IQCJ: variants seen among roughly 807,000 people sequenced by gnomAD.
IQCJ encodes IQ domain-containing protein J.
Under a neutral mutation model 11.0 loss-of-function variants are expected in IQCJ, and 9 were observed. The observed-to-expected ratio is 0.82, with a 90% confidence interval of 0.49 to 1.43. The LOEUF (loss-of-function observed/expected upper bound fraction) is 1.43, where lower values mean the gene tolerates loss of function less well. Among genes scored for constraint, IQCJ ranks in the 40% most tolerant of loss-of-function variants. The probability of loss-of-function intolerance (pLI) is 0.00; values close to 1 mark genes in which losing one functional copy is unlikely to be tolerated. For synonymous variants in IQCJ, 55 were observed against 51.3 expected, an observed-to-expected ratio of 1.07 and a Z score of -0.31; for missense variants, 146 against 133.2, an observed-to-expected ratio of 1.10 and a Z score of -0.47.
chr3:159,188,332 C>T (rs57279778), intron 1 of IQCJ, among the ~76,000 whole-genome samples: 15,142 of 152,106 alleles, frequency 0.1, 2,538 homozygotes, highest in African/African-American at 0.35. Context: ...ATTGCTTGAA[C>T]CTGGGAGGTG....
chr3:159,079,890 G>A (rs1373931288), intron 1 of IQCJ, among the ~76,000 whole-genome samples: 1 of 151,856 alleles, frequency 6.6e-6, no homozygotes, highest in African/African-American at 2.4e-5. Flanking sequence ...TCCTAAAAGT[G>A]GAATTTTTAG....
At chr3:159,093,358 A>G (rs193284081) in intron 1 of IQCJ, among the ~76,000 whole-genome samples, 146 of 152,048 alleles carry the variant, frequency 9.6e-4, no homozygotes, top group Non-Finnish European at 1.6e-3. Flanking sequence ...GAGCTTTTAT[A>G]TCACCACTTC....
intron 1 of IQCJ, among the ~76,000 whole-genome samples, chr3:159,130,642 G>T (rs760046007): frequency 6.6e-6 from 1 of 152,102 alleles, no homozygotes; most frequent in Non-Finnish European, 1.5e-5. Context: ...AAACATTGTA[G>T]CTTCTCAGGT....
At chr3:159,136,200 T>C (rs1720280759) in intron 1 of IQCJ, among the ~76,000 whole-genome samples, 2 of 152,144 alleles carry the variant, frequency 1.3e-5, no homozygotes, top group South Asian at 2.1e-4. Flanking sequence ...CGTAAGAAAA[T>C]TGGATATTTT....
chr3:159,152,091 TG>T (rs1721262073), intron 1 of IQCJ, among the ~76,000 whole-genome samples: 1 of 152,124 alleles, frequency 6.6e-6, no homozygotes, highest in Non-Finnish European at 1.5e-5. Flanking sequence ...CTCTACTGGA[TG>T]GGGCAGTGGT....
At chr3:159,173,354 A>G (rs890440244) in intron 1 of IQCJ, among the ~76,000 whole-genome samples, 7 of 152,184 alleles carry the variant, frequency 4.6e-5, no homozygotes, top group South Asian at 2.1e-4. Flanking sequence ...TGGTTTTTAT[A>G]TATCTTCAAA....
At chr3:159,194,879 G>A (rs571503597) in intron 1 of IQCJ, among the ~76,000 whole-genome samples, 12 of 152,236 alleles carry the variant, frequency 7.9e-5, no homozygotes, top group Admixed American at 3.9e-4. Flanking sequence ...TTGGGAGGCC[G>A]AAGTGGGCAG....
chr3:159,149,487 T>C (rs1028646081), intron 1 of IQCJ, among the ~76,000 whole-genome samples: 3 of 152,276 alleles, frequency 2.0e-5, no homozygotes, highest in East Asian at 1.9e-4. Context: ...TGCTCTTTGG[T>C]AGTTCTGAGT....
At chr3:159,254,349 G>T (rs1160599716) in intron 3 of IQCJ, among the ~76,000 whole-genome samples, 1 of 152,152 alleles carries the variant, frequency 6.6e-6, no homozygotes, top group African/African-American at 2.4e-5. Context: ...AAATCTCTGT[G>T]CTTCAGATTC....
intron 2 of IQCJ, among the ~76,000 whole-genome samples, chr3:159,248,510 T>C (rs1287874983): frequency 6.6e-6 from 1 of 152,232 alleles, no homozygotes; most frequent in Non-Finnish European, 1.5e-5. Flanking sequence ...TTTTCTTTTA[T>C]AGAGATTACT....
At chr3:159,094,066 G>A (rs1717539866) in intron 1 of IQCJ, among the ~76,000 whole-genome samples, 1 of 151,788 alleles carries the variant, frequency 6.6e-6, no homozygotes, top group Non-Finnish European at 1.5e-5. Flanking sequence ...GGGCCTCCTG[G>A]CTCTTTGACT....
chr3:159,178,827 A>G (rs889048421), intron 1 of IQCJ, among the ~76,000 whole-genome samples: 2 of 152,124 alleles, frequency 1.3e-5, no homozygotes, highest in Non-Finnish European at 2.9e-5. Context: ...AAGTTGTCCA[A>G]GTTGCTCAAC....
chr3:159,167,834 A>T (rs1722257490), intron 1 of IQCJ, among the ~76,000 whole-genome samples: 1 of 152,218 alleles, frequency 6.6e-6, no homozygotes, highest in East Asian at 1.9e-4. Flanking sequence ...TGAAGGTAAG[A>T]CTATCAAATG....
At chr3:159,087,442 T>A (rs1436939010) in intron 1 of IQCJ, among the ~76,000 whole-genome samples, 7 of 148,738 alleles carry the variant, frequency 4.7e-5, no homozygotes, top group African/African-American at 1.7e-4. Context: ...TAAAATGAGT[T>A]AGGGAGGATT....
intron 1 of IQCJ, among the ~76,000 whole-genome samples, chr3:159,112,752 T>C (rs751724612): frequency 6.6e-6 from 1 of 152,200 alleles, no homozygotes; most frequent in Non-Finnish European, 1.5e-5. Flanking sequence ...GGGCAGTCCT[T>C]ATGTTTAATG....
intron 1 of IQCJ, among the ~76,000 whole-genome samples, chr3:159,091,170 A>G (rs1423325776): frequency 6.6e-6 from 1 of 151,854 alleles, no homozygotes; most frequent in Non-Finnish European, 1.5e-5. Flanking sequence ...ATTAGAAAGA[A>G]TGCTCCTGGA....
chr3:159,142,405 A>G (rs1720655204), intron 1 of IQCJ, among the ~76,000 whole-genome samples: 1 of 127,346 alleles, frequency 7.9e-6, no homozygotes, highest in Non-Finnish European at 1.7e-5. Flanking sequence ...TGGTAAGTGC[A>G]CTGAGGGGCA....
chr3:159,262,936 A>G lies in IQCJ; in HGVS notation c.*205A>G. 1.5e-6 allele frequency: 2 copies of G among 1,315,472 alleles called. No homozygotes were observed. Among genetic ancestry groups the G allele is most frequent in the Non-Finnish European group, 1.9e-6 (2 of 1,032,656 alleles). 81.5% of individuals were successfully genotyped at this position (1,315,472 alleles called of 1,614,324 possible). Reference sequence around the variant, plus strand: ...TGCATTTATGTGTTCTCATTTCTCTATTATGGAGGTATCTTTTTTGCTTTT... The same window carrying G: ...TGCATTTATGTGTTCTCATTTCTCTGTTATGGAGGTATCTTTTTTGCTTTT... On this transcript the variant is annotated 3_prime_UTR_variant, in exon 4 of 4. Transcript: ENST00000397832.
At chr3:159,229,494 T>C (rs1726065529) in intron 1 of IQCJ, among the ~76,000 whole-genome samples, 1 of 151,956 alleles carries the variant, frequency 6.6e-6, no homozygotes, top group African/African-American at 2.4e-5. Flanking sequence ...TGTGTCTTCT[T>C]AATAGCTTCC....
Sources: allele counts gnomAD v4.1 joint callset (sites outside exome capture counted in the v4.1 genomes callset), GRCh38; gene constraint gnomAD v4.1.1; transcripts MANE v1.5; gene names NCBI Gene and HGNC (gene_info 2026-07-23, HGNC 2026-07-21).